GALNT2: variants seen among roughly 807,000 people sequenced by gnomAD.
GALNT2 encodes polypeptide N-acetylgalactosaminyltransferase 2.
A neutral mutation model predicts 81.4 loss-of-function variants in GALNT2; 31 were observed. The ratio of observed to expected loss-of-function variants is 0.38; its 90% CI spans 0.29 to 0.51. The LOEUF is 0.51. GALNT2 is among the 20% of genes least tolerant of loss of function. GALNT2 has a pLI of 0.87. For synonymous variants in GALNT2, 303 were observed against 287.4 expected, an observed-to-expected ratio of 1.05 and a Z score of -0.55; for missense variants, 629 against 765.7, an observed-to-expected ratio of 0.82 and a Z score of 2.11.
intron 1 of GALNT2, among the ~76,000 whole-genome samples, chr1:230,067,853 C>T (rs1659246431): frequency 6.6e-6 from 1 of 152,242 alleles, no homozygotes; most frequent in Admixed American, 6.5e-5. Context: ...ATACCAGCGG[C>T]TGCAAATCCT....
At chr1:230,234,396 C>A (rs1174645713) in intron 3 of GALNT2, among the ~76,000 whole-genome samples, 1 of 152,190 alleles carries the variant, frequency 6.6e-6, no homozygotes, top group Non-Finnish European at 1.5e-5. Flanking sequence ...TTTGGGGTAT[C>A]ATTTTCGGAG....
chr1:230,213,362 T>A (rs1664292189), intron 3 of GALNT2, among the ~76,000 whole-genome samples: 2 of 152,236 alleles, frequency 1.3e-5, no homozygotes, highest in African/African-American at 4.8e-5. Flanking sequence ...ATTTTCTTAG[T>A]AGACTGGCCC....
intron 1 of GALNT2, among the ~76,000 whole-genome samples, chr1:230,097,150 G>T (rs936051499): frequency 3.9e-5 from 6 of 152,160 alleles, no homozygotes; most frequent in Admixed American, 6.5e-5. Context: ...TGTCAATCCA[G>T]ATTGTTAAAA....
chr1:230,082,365 T>A (rs1208988928), intron 1 of GALNT2, among the ~76,000 whole-genome samples: 2 of 152,190 alleles, frequency 1.3e-5, no homozygotes, highest in Non-Finnish European at 2.9e-5. Context: ...TTAATGGACA[T>A]GATTGAGTGA....
At chr1:230,089,045 T>C (rs1168164850) in intron 1 of GALNT2, among the ~76,000 whole-genome samples, 1 of 152,210 alleles carries the variant, frequency 6.6e-6, no homozygotes, top group East Asian at 1.9e-4. Flanking sequence ...GCCATAGTTT[T>C]TGAGGTTCAT....
chr1:230,169,764 G>A (rs985293501), intron 1 of GALNT2, among the ~76,000 whole-genome samples: 1 of 152,244 alleles, frequency 6.6e-6, no homozygotes, highest in African/African-American at 2.4e-5. Context: ...AGTAAAATAA[G>A]TGAAGTGCTG....
chr1:230,103,110 C>T (rs1266326526), intron 1 of GALNT2, among the ~76,000 whole-genome samples: 5 of 152,144 alleles, frequency 3.3e-5, no homozygotes, highest in African/African-American at 7.2e-5. Flanking sequence ...TTGTAAAGAG[C>T]CTCTGTTACC....
chr1:230,084,837 C>T (rs952336454), intron 1 of GALNT2, among the ~76,000 whole-genome samples: 1 of 152,182 alleles, frequency 6.6e-6, no homozygotes, highest in African/African-American at 2.4e-5. Flanking sequence ...TGGGAGTTGA[C>T]ATCATTTCTG....
At chr1:230,060,801 G>T (rs1558264828) in intron 1 of GALNT2, among the ~76,000 whole-genome samples, 1 of 152,102 alleles carries the variant, frequency 6.6e-6, no homozygotes, top group Non-Finnish European at 1.5e-5. Context: ...TGTATGCCTA[G>T]ATTTCTACTT....
chr1:230,275,575 C>G lies in GALNT2; in HGVS notation c.1560+1011C>G, dbSNP rs1426232475. Among the ~76,000 whole-genome samples, 7 of 149,416 alleles carry G rather than the reference C, an allele frequency of 4.7e-5. No individual in the cohort carries two copies. The highest frequency in any genetic ancestry group is 4.5e-5 in the Non-Finnish European group (3 of 67,294). ...AACGCCACATATATATACATATAAA[C>G]ACACCATATATATACATATAGATAC... is the stretch of plus-strand genomic sequence containing the variant. On this transcript the variant is annotated intron_variant, in intron 15 of 15. Coordinates refer to ENST00000366672, the MANE Select transcript of GALNT2 (RefSeq NM_004481.5). The surrounding 1 kb of genome is among the most constrained non-coding windows in gnomAD (Gnocchi z 5.5).
At chr1:230,080,476 A>T (rs533220427) in intron 1 of GALNT2, among the ~76,000 whole-genome samples, 10 of 152,308 alleles carry the variant, frequency 6.6e-5, no homozygotes, top group African/African-American at 2.4e-4. Flanking sequence ...GCCAGCGGGA[A>T]GGTCTAGCAT....
intron 1 of GALNT2, among the ~76,000 whole-genome samples, chr1:230,119,157 A>G (rs1470747646): frequency 1.3e-5 from 2 of 152,256 alleles, no homozygotes; most frequent in African/African-American, 2.4e-5. Flanking sequence ...TTCAGGATTT[A>G]TATAAAGTTA....
At position 230,243,221 on chromosome 1, in the gene GALNT2, G is replaced by A. The variant is rs1665251961; in HGVS notation, c.608-85G>A. The A allele has an allele frequency of 3.4e-6, 5 of 1,481,116 alleles. No individual in the cohort carries two copies. Among genetic ancestry groups the A allele is most frequent in the Non-Finnish European group, 4.5e-6 (5 of 1,117,216 alleles). 91.7% of individuals were successfully genotyped at this position (1,481,116 alleles called of 1,614,324 possible). A position where few individuals can be genotyped will look rare whatever the true frequency, so the allele number is the denominator to read the frequency against. On this transcript the variant is annotated intron_variant, in intron 6 of 15. Coordinates refer to ENST00000366672, the MANE Select transcript of GALNT2 (RefSeq NM_004481.5). This position sits in a 1 kb window ranked among gnomAD's most constrained non-coding sequence, Gnocchi z 4.2. ...CAGAAAGCAGGCTGCAGAGCTGCGG[G>A]CAGGGAGGCGTCGCCGGTTGGCATG... is the stretch of plus-strand genomic sequence containing the variant.
At position 230,279,194 on chromosome 1, in the gene GALNT2, T is replaced by C. The variant is rs1346961304; in HGVS notation, c.1561-109T>C. On this transcript the variant is annotated intron_variant, in intron 15 of 15. Transcript: ENST00000366672. This position sits in a 1 kb window ranked among gnomAD's most constrained non-coding sequence, Gnocchi z 4.6. ...TTCAGATGAGAGGCTGGGAAAAACG[T>C]GTCTATCTGTGAGTTTTTAATGCAG... is the stretch of plus-strand genomic sequence containing the variant. 7.6e-6 allele frequency: 9 copies of C among 1,184,382 alleles called. No individual in the cohort carries two copies. In the African/African-American group the frequency reaches 1.4e-4, roughly 19 times the overall value. The allele number at this position is 1,184,382 out of a possible 1,614,324, so 73.4% of individuals were successfully genotyped here.
At chr1:230,208,893 G>T (rs191676635) in intron 3 of GALNT2, among the ~76,000 whole-genome samples, 1 of 152,032 alleles carries the variant, frequency 6.6e-6, no homozygotes, top group Non-Finnish European at 1.5e-5. Context: ...AATACCCGTG[G>T]GGTGCTCCTG....
rs76445724 is a variant in GALNT2, at chr1:230,248,104, A to C, written c.818-1080A>C. Among the ~76,000 whole-genome samples, 830 of 152,238 alleles carry C rather than the reference A, an allele frequency of 5.5e-3. 7 individuals are homozygous for C. The highest frequency in any genetic ancestry group is 0.019 in the African/African-American group (792 of 41,538). ...TTTGCCTGAGGCCACTCTATCCTGC[A>C]GTGAGGGAGCTGGGAGGCCTCTTTG... On this transcript the variant is annotated intron_variant, in intron 8 of 15. Transcript: ENST00000366672.
intron 1 of GALNT2, among the ~76,000 whole-genome samples, chr1:230,120,703 C>T (rs1343461380): frequency 6.6e-6 from 1 of 152,176 alleles, no homozygotes; most frequent in Admixed American, 6.5e-5. Context: ...TCCTCGGCCT[C>T]TCCCCAGGCT....
chr1:230,096,995 T>A (rs1014466272), intron 1 of GALNT2, among the ~76,000 whole-genome samples: 3 of 152,140 alleles, frequency 2.0e-5, no homozygotes, highest in African/African-American at 7.2e-5. Flanking sequence ...AACATCAGGA[T>A]CATACTAAGT....
At chr1:230,110,728 TGTCTTCAATAGA>T (rs1660676959) in intron 1 of GALNT2, among the ~76,000 whole-genome samples, 1 of 151,106 alleles carries the variant, frequency 6.6e-6, no homozygotes, top group African/African-American at 2.4e-5. Flanking sequence ...TTTTTTTTTT[TGTCTTCAATAGA>T]TTTTTCTAGG....
Sources: gnomAD v4.1 joint callset for allele counts (sites outside exome capture counted in the v4.1 genomes callset) on GRCh38, gnomAD v4.1.1 for gene constraint, Gnocchi (gnomAD v3.1) non-coding constraint, MANE v1.5 for transcripts, NCBI Gene and HGNC (gene_info 2026-07-23, HGNC 2026-07-21) for gene names.